The following SCN3A variants were observed in gnomAD, a reference collection of about 807,000 sequenced individuals.
SCN3A encodes sodium voltage-gated channel alpha subunit 3, also known as sodium channel protein type 3 subunit alpha.
Under a neutral mutation model 187.6 loss-of-function variants are expected in SCN3A, and 60 were observed. The ratio of observed to expected loss-of-function variants is 0.32; its 90% CI spans 0.26 to 0.40. SCN3A has a LOEUF of 0.40. SCN3A is among the 10% of genes least tolerant of loss of function. SCN3A has a pLI of 1.00. For missense variants in SCN3A, 1,601 were observed against 2,428.2 expected, an observed-to-expected ratio of 0.66 and a Z score of 7.16; for synonymous variants, 788 against 829.2, an observed-to-expected ratio of 0.95 and a Z score of 0.85.
chr2:165,109,074 T>C (rs1289998217), intron 21 of SCN3A, among the ~76,000 whole-genome samples: 1 of 152,180 alleles, frequency 6.6e-6, no homozygotes, highest in Non-Finnish European at 1.5e-5. Flanking sequence ...TTTGATAAAA[T>C]TGATCACCTC....
intron 2 of SCN3A, among the ~76,000 whole-genome samples, chr2:165,177,991 C>T (rs537018146): frequency 6.6e-6 from 1 of 152,122 alleles, no homozygotes; most frequent in African/African-American, 2.4e-5. Flanking sequence ...TTCCCCTTTG[C>T]CCCCACATGT....
intron 1 of SCN3A, among the ~76,000 whole-genome samples, chr2:165,190,157 A>C (rs1472449771): frequency 1.3e-5 from 2 of 152,186 alleles, no homozygotes; most frequent in African/African-American, 4.8e-5. Flanking sequence ...GAAAGAGGTA[A>C]CTTCAAATGG....
chr2:165,151,857 C>T (rs907530667), intron 11 of SCN3A, among the ~76,000 whole-genome samples: 1 of 152,118 alleles, frequency 6.6e-6, no homozygotes, highest in Non-Finnish European at 1.5e-5. Context: ...ACCTGGCAAT[C>T]ACACTGTGCC....
At chr2:165,169,328 T>C (rs559516683) in intron 4 of SCN3A, among the ~76,000 whole-genome samples, 2 of 152,084 alleles carry the variant, frequency 1.3e-5, no homozygotes, top group East Asian at 1.9e-4. Context: ...TCCTTTACAA[T>C]TTATAGCATA....
In SCN3A at chr2:165,127,897, T is replaced by G. The variant is rs150421779; in HGVS notation, c.3127A>C (p.Asn1043His). ...TTGGACATGCAGCTGTCTATCTTAT[T>G]GCCTTCATGGATTTCTATAACTTTT... ...KPKVIEIHEG[N>H]KIDSCMSNNT... Residue 1043 changes from asparagine (N) to histidine (H), a missense_variant, in exon 18 of 28, where the codon AAT becomes CAT. This residue lies in a region of SCN3A where 267 missense variants were observed against 313.2 expected (regional missense o/e 0.85). Transcript: ENST00000283254. 4 of 1,614,230 alleles carry G rather than the reference T, an allele frequency of 2.5e-6. No homozygotes were observed. Among genetic ancestry groups the G allele is most frequent in the Non-Finnish European group, 3.4e-6 (4 of 1,180,040 alleles).
At chr2:165,176,556 A>G (rs1690481898) in intron 2 of SCN3A, 112 bp from the exon 3 acceptor site, 2 of 791,722 alleles carry the variant, frequency 2.5e-6, no homozygotes, top group Admixed American at 4.3e-5. Flanking sequence ...ACATTAAGTC[A>G]TGCTTTTAGT....
intron 9 of SCN3A, among the ~76,000 whole-genome samples, chr2:165,156,277 C>A (rs369515588): frequency 6.6e-6 from 1 of 151,702 alleles, no homozygotes; most frequent in African/African-American, 2.4e-5. Context: ...GAGGCCAAGG[C>A]GGGCGGATCA....
intron 3 of SCN3A, among the ~76,000 whole-genome samples, chr2:165,173,319 G>C (rs12472733): frequency 6.6e-6 from 1 of 151,986 alleles, no homozygotes; most frequent in Non-Finnish European, 1.5e-5. Context: ...CTCTGGAGTC[G>C]AATGCCTGGA....
At chr2:165,197,570 C>CT (rs1239928929) in intron 1 of SCN3A, among the ~76,000 whole-genome samples, 1 of 148,620 alleles carries the variant, frequency 6.7e-6, no homozygotes, top group African/African-American at 2.5e-5. Context: ...TTGCATATCT[C>CT]TTTCTCTTTA....
chr2:165,166,367 C>T (rs142109821), intron 5 of SCN3A, among the ~76,000 whole-genome samples: 91 of 152,236 alleles, frequency 6.0e-4, no homozygotes, highest in Middle Eastern at 6.8e-3. Context: ...CTTTATCTTT[C>T]GTGGCTATGC....
Position 165,090,049 on chromosome 2 carries a change from G to A in SCN3A, c.*101C>T, listed in dbSNP as rs1188993476. Reference sequence around the variant, plus strand: ...CTGACTATGAGTATTTGTTAAAACAGTCAGTTTGGCATGGACCTCCTCTTG... The same window carrying A: ...CTGACTATGAGTATTTGTTAAAACAATCAGTTTGGCATGGACCTCCTCTTG... On this transcript the variant is annotated 3_prime_UTR_variant, in exon 28 of 28. Transcript: ENST00000283254. The surrounding 1 kb of genome is among the most constrained non-coding windows in gnomAD (Gnocchi z 4.0). 1 of 1,515,252 alleles carries A rather than the reference G, an allele frequency of 6.6e-7. No homozygotes were observed. The highest frequency in any genetic ancestry group is 1.4e-5 in the African/African-American group (1 of 72,042). The allele number at this position is 1,515,252 out of a possible 1,614,324, so 93.9% of individuals were successfully genotyped here.
rs780908702 is a variant in SCN3A at position 165,091,095 on chromosome 2, A to G, written c.5058T>C (p.Ile1686=). The part of the protein sequence containing the change: ...NFAYVKKEAG[I]DDMFNFETFG... ...AGGTCTCAAAGTTGAACATGTCATCAATTCCAGCTTCCTTTTTAACATAGG... is the reference window on the plus strand; with the variant it reads ...AGGTCTCAAAGTTGAACATGTCATCGATTCCAGCTTCCTTTTTAACATAGG... The change falls in exon 28 of 28, where the codon ATT becomes ATC. Residue 1686 remains isoleucine (I), a synonymous_variant. Coordinates refer to ENST00000283254, the MANE Select transcript of SCN3A (RefSeq NM_006922.4). 3 of 1,614,022 alleles carry G rather than the reference A, an allele frequency of 1.9e-6. No homozygotes were observed. In the African/African-American group the frequency reaches 4.0e-5, roughly 22 times the overall value.
At chr2:165,094,779 A>C (rs1230209312) in intron 25 of SCN3A, among the ~76,000 whole-genome samples, 1 of 152,170 alleles carries the variant, frequency 6.6e-6, no homozygotes, top group Non-Finnish European at 1.5e-5. Context: ...AGTCCATTTC[A>C]CTGCCGATAA....
intron 18 of SCN3A, among the ~76,000 whole-genome samples, chr2:165,116,006 T>C (rs1220619902): frequency 6.6e-6 from 1 of 152,164 alleles, no homozygotes; most frequent in Non-Finnish European, 1.5e-5. Flanking sequence ...AGATGGAAAT[T>C]TTCAAAGGGC....
intron 21 of SCN3A, among the ~76,000 whole-genome samples, chr2:165,104,091 TA>T (rs1238534038): frequency 1.3e-5 from 2 of 152,044 alleles, no homozygotes; most frequent in Admixed American, 1.3e-4. Context: ...AGGCGGTTGA[TA>T]AATACATTTT....
intron 9 of SCN3A, among the ~76,000 whole-genome samples, chr2:165,158,259 G>A (rs1689181454): frequency 1.1e-5 from 1 of 94,552 alleles, no homozygotes; most frequent in Admixed American, 1.2e-4. Context: ...TTTACCTTTA[G>A]TCTTACAGAC....
chr2:165,197,286 A>C (rs529534367), intron 1 of SCN3A, among the ~76,000 whole-genome samples: 1 of 152,210 alleles, frequency 6.6e-6, no homozygotes, highest in East Asian at 1.9e-4. Flanking sequence ...TTCCCTAGCC[A>C]AGTTTTCATT....
At chr2:165,183,343 T>G (rs1691010422) in intron 2 of SCN3A, among the ~76,000 whole-genome samples, 1 of 152,236 alleles carries the variant, frequency 6.6e-6, no homozygotes, top group Non-Finnish European at 1.5e-5. Context: ...CATATTTGTC[T>G]TGAATCTTAC....
Position 165,090,099 on chromosome 2 carries a change from A to G in SCN3A, c.*51T>C, listed in dbSNP as rs754350718. 6.5e-7 allele frequency: 1 copy of G among 1,548,194 alleles called. No homozygotes were observed. Among genetic ancestry groups the G allele is most frequent in the Admixed American group, 2.0e-5 (1 of 50,966 alleles). ...GAAGTCCAGTTGACACATATACTTT[A>G]CCTTCATAGGCTGTAAACAATTGAT... On this transcript the variant is annotated 3_prime_UTR_variant, in exon 28 of 28. Coordinates refer to ENST00000283254, the MANE Select transcript of SCN3A (RefSeq NM_006922.4). The surrounding 1 kb of genome is among the most constrained non-coding windows in gnomAD (Gnocchi z 4.0).
Sources: allele counts gnomAD v4.1 joint callset (sites outside exome capture counted in the v4.1 genomes callset), GRCh38; gene constraint gnomAD v4.1.1; regional missense constraint gnomAD v4.1.1; non-coding constraint Gnocchi (gnomAD v3.1); transcripts MANE v1.5; gene names NCBI Gene and HGNC (gene_info 2026-07-23, HGNC 2026-07-21).